RYR2: variants seen among roughly 807,000 people sequenced by gnomAD.
The protein encoded by RYR2 is cardiac muscle ryanodine receptor-calcium release channel.
A neutral mutation model predicts 601.1 loss-of-function variants in RYR2; 227 were observed. The ratio of observed to expected loss-of-function variants is 0.38; its 90% CI spans 0.34 to 0.42. The LOEUF (loss-of-function observed/expected upper bound fraction) is 0.42, where lower values mean the gene tolerates loss of function less well. Ranked by LOEUF, RYR2 falls within the 10% of genes least tolerant of loss-of-function variation. RYR2 has a pLI of 1.00. For synonymous variants in RYR2, 2,223 were observed against 2,175.1 expected, an observed-to-expected ratio of 1.02 and a Z score of -0.61; for missense variants, 4,646 against 6,156.5, an observed-to-expected ratio of 0.75 and a Z score of 8.21.
chr1:237,312,002 C>T (rs763180402), intron 2 of RYR2, among the ~76,000 whole-genome samples: 5 of 152,080 alleles, frequency 3.3e-5, no homozygotes, highest in Admixed American at 6.6e-5. Flanking sequence ...GAAAATTACT[C>T]GGTACTGGGA....
chr1:237,709,307 G>A (rs1688631530), intron 69 of RYR2, among the ~76,000 whole-genome samples, 173 bp from the exon 70 acceptor site: 1 of 152,064 alleles, frequency 6.6e-6, no homozygotes, highest in African/African-American at 2.4e-5. Context: ...GCATGTAAAA[G>A]TTAACAGTTT....
chr1:237,044,051 C>A (rs2148075469), intron 1 of RYR2, among the ~76,000 whole-genome samples: 1 of 152,266 alleles, frequency 6.6e-6, no homozygotes, highest in East Asian at 1.9e-4. Flanking sequence ...AGGTTATGCA[C>A]CATTGCATAT....
At chr1:237,402,822 G>A (rs1703479012) in intron 10 of RYR2, among the ~76,000 whole-genome samples, 1 of 14,178 alleles carries the variant, frequency 7.1e-5, no homozygotes, top group Non-Finnish European at 2.0e-4. Flanking sequence ...TACTCTATTG[G>A]GCAGGCTGGA....
At chr1:237,240,604 T>C (rs546730037) in intron 1 of RYR2, among the ~76,000 whole-genome samples, 1 of 150,008 alleles carries the variant, frequency 6.7e-6, no homozygotes, top group African/African-American at 2.4e-5. Flanking sequence ...TATGACTAAA[T>C]ATTTTTATTT....
intron 84 of RYR2, among the ~76,000 whole-genome samples, chr1:237,764,886 G>A (rs987692609): frequency 3.3e-5 from 5 of 152,124 alleles, no homozygotes; most frequent in African/African-American, 9.7e-5. Context: ...GATGCCATGA[G>A]GAACTGTGTG....
intron 7 of RYR2, among the ~76,000 whole-genome samples, chr1:237,376,205 G>T (rs1456797893): frequency 6.6e-6 from 1 of 152,164 alleles, no homozygotes; most frequent in Non-Finnish European, 1.5e-5. Flanking sequence ...TCTGCCAGGT[G>T]ACATTCAGGT....
At chr1:237,081,300 A>G (rs1665608938) in intron 1 of RYR2, among the ~76,000 whole-genome samples, 1 of 149,322 alleles carries the variant, frequency 6.7e-6, no homozygotes, top group African/African-American at 2.4e-5. Context: ...AAAAAAAAAA[A>G]AAAGAAAGTC....
At position 237,784,566 on chromosome 1, in the gene RYR2, C is replaced by T. The variant is rs752526464; in HGVS notation, c.12854C>T (p.Ser4285Leu). The T allele has an allele frequency of 1.2e-6, 2 of 1,613,982 alleles. No individual in the cohort carries two copies. The highest frequency in any genetic ancestry group is 1.7e-6 in the Non-Finnish European group (2 of 1,179,882). ...AAGGACATGGTCACGGCCTTCTTTT[C>T]ATCCTACTGGAGTATTTTCATGACC... The part of the protein sequence containing the change: ...TVKDMVTAFF[S>L]SYWSIFMTLL... The change falls in exon 90 of 105, where the codon TCA (serine) becomes TTA (leucine). Residue 4285 changes from serine (S) to leucine (L), a missense_variant. By Grantham distance (145) the Ser-to-Leu change is moderately radical. This residue lies in a region of RYR2 where 364 missense variants were observed against 442.9 expected (regional missense o/e 0.82). Coordinates refer to ENST00000366574, the MANE Select transcript of RYR2 (RefSeq NM_001035.3). The surrounding 1 kb of genome is among the most constrained non-coding windows in gnomAD (Gnocchi z 7.1).
At chr1:237,178,138 A>G (rs1417554059) in intron 1 of RYR2, among the ~76,000 whole-genome samples, 1 of 152,146 alleles carries the variant, frequency 6.6e-6, no homozygotes, top group Admixed American at 6.6e-5. Flanking sequence ...ATGAGCTCAA[A>G]TATCTTTTCA....
At chr1:237,660,249 C>G (rs1683650861) in intron 55 of RYR2, among the ~76,000 whole-genome samples, 175 bp downstream of exon 55, 2 of 149,320 alleles carry the variant, frequency 1.3e-5, no homozygotes, top group East Asian at 1.9e-4. Context: ...CCTCTCAATT[C>G]TTAATTTCTG....
chr1:237,226,158 G>A (rs1254154527), intron 1 of RYR2, among the ~76,000 whole-genome samples: 4 of 152,172 alleles, frequency 2.6e-5, no homozygotes, highest in African/African-American at 9.7e-5. Flanking sequence ...GGGAACGGAA[G>A]GGTTAATGAT....
intron 79 of RYR2, 71 bp downstream of exon 79, chr1:237,733,827 T>G (rs1573726184): frequency 5.7e-6 from 6 of 1,052,994 alleles, no homozygotes; most frequent in Non-Finnish European, 8.7e-6. Flanking sequence ...CTGAAAAGGA[T>G]AAGAATCTGT....
intron 1 of RYR2, among the ~76,000 whole-genome samples, chr1:237,149,911 C>T (rs532215024): frequency 6.6e-6 from 1 of 152,186 alleles, no homozygotes; most frequent in African/African-American, 2.4e-5. Flanking sequence ...CATATGCTGG[C>T]CCATTTTCCA....
chr1:237,199,566 G>A (rs774738202), intron 1 of RYR2, among the ~76,000 whole-genome samples: 10 of 152,122 alleles, frequency 6.6e-5, no homozygotes, highest in Non-Finnish European at 1.5e-4. Flanking sequence ...GTGCCCACCC[G>A]GATTGAGGAT....
intron 35 of RYR2, among the ~76,000 whole-genome samples, chr1:237,605,859 A>G (rs879460233): frequency 1.3e-5 from 2 of 151,608 alleles, no homozygotes; most frequent in Non-Finnish European, 3.0e-5. Context: ...CCAACTTACA[A>G]GGGATGTGAA....
At chr1:237,317,572 A>G (rs778117175) in intron 2 of RYR2, among the ~76,000 whole-genome samples, 9 of 152,122 alleles carry the variant, frequency 5.9e-5, no homozygotes, top group Non-Finnish European at 1.2e-4. Context: ...TAGGGCCAGT[A>G]GTTTTTTGGT....
At chr1:237,831,260 T>A (rs561513981) in intron 103 of RYR2, among the ~76,000 whole-genome samples, 1 of 152,212 alleles carries the variant, frequency 6.6e-6, no homozygotes, top group Non-Finnish European at 1.5e-5. Flanking sequence ...TTCTAATTCA[T>A]CAGTGTTGAT....
chr1:237,680,321 C>A, intron 61 of RYR2, 135 bp from the exon 62 acceptor site: 1 of 603,426 alleles, frequency 1.7e-6, no homozygotes, highest in Non-Finnish European at 2.9e-6. Flanking sequence ...GAGAGGCATA[C>A]TATGACGTGC....
chr1:237,124,174 A>T (rs1354289340), intron 1 of RYR2, among the ~76,000 whole-genome samples: 1 of 152,220 alleles, frequency 6.6e-6, no homozygotes, highest in African/African-American at 2.4e-5. Context: ...TCATTTTGCA[A>T]TGATTTGCCC....
Sources: gnomAD v4.1 joint callset for allele counts (sites outside exome capture counted in the v4.1 genomes callset) on GRCh38, gnomAD v4.1.1 for gene constraint, gnomAD v4.1.1 regional missense constraint, Gnocchi (gnomAD v3.1) non-coding constraint, MANE v1.5 for transcripts, NCBI Gene and HGNC (gene_info 2026-07-23, HGNC 2026-07-21) for gene names.